The following TENM3 variants were observed in gnomAD, a reference collection of about 807,000 sequenced individuals.
TENM3 encodes teneurin-3.
TENM3 carries 63 observed loss-of-function variants against 255.1 expected under a neutral mutation model. That is an observed-to-expected ratio of 0.25 (90% CI 0.20 to 0.30). TENM3 has a LOEUF of 0.30. Ranked by LOEUF, TENM3 falls within the 10% of genes least tolerant of loss-of-function variation. The pLI is 1.00. For synonymous variants in TENM3, 1,306 were observed against 1,322.3 expected (o/e 0.99, Z 0.27); for missense variants, 2,929 against 3,461.1 (o/e 0.85, Z 3.86).
chr4:182,791,076 C>G (rs1253749673), intron 25 of TENM3, among the ~76,000 whole-genome samples: 3 of 152,318 alleles, frequency 2.0e-5, no homozygotes, highest in East Asian at 3.9e-4. Context: ...TTACAGACCA[C>G]CATCAAATAT....
At chr4:182,426,171 A>G (rs1561434455) in intron 3 of TENM3, among the ~76,000 whole-genome samples, 1 of 152,178 alleles carries the variant, frequency 6.6e-6, no homozygotes, top group Non-Finnish European at 1.5e-5. Context: ...CATGTGAACC[A>G]TAAGTTCAGC....
chr4:182,215,842 AC>A (rs1200867338), intron 1 of TENM3, among the ~76,000 whole-genome samples: 2 of 152,138 alleles, frequency 1.3e-5, no homozygotes, highest in African/African-American at 4.8e-5. Context: ...ATGTCTCGAT[AC>A]CTTTCTAGGG....
At chr4:181,878,227 T>G in the TENM3 span, among the ~76,000 whole-genome samples, 4 of 151,990 alleles carry the variant, frequency 2.6e-5, no homozygotes, top group African/African-American at 4.8e-5. Context: ...AGGCTGTGTA[T>G]CATTATATTC....
the TENM3 span, among the ~76,000 whole-genome samples, chr4:181,987,956 G>T: frequency 3.1e-3 from 477 of 152,046 alleles, no homozygotes; most frequent in African/African-American, 0.011. Context: ...AGATGAAGGG[G>T]CAAGAGAGAA....
intron 4 of TENM3, among the ~76,000 whole-genome samples, chr4:182,602,830 T>C (rs548042418): frequency 6.6e-6 from 1 of 152,198 alleles, no homozygotes; most frequent in South Asian, 2.1e-4. Context: ...TTGGAAAAAA[T>C]TTATTAGGAA....
chr4:181,988,047 A>C, the TENM3 span, among the ~76,000 whole-genome samples: 1 of 152,178 alleles, frequency 6.6e-6, no homozygotes, highest in African/African-American at 2.4e-5. Context: ...GAGAGTTGAA[A>C]GAAATTAAAA....
the TENM3 span, among the ~76,000 whole-genome samples, chr4:181,872,809 G>C: frequency 6.6e-6 from 1 of 152,024 alleles, no homozygotes; most frequent in Admixed American, 6.5e-5. Context: ...CTTACTTCTG[G>C]AGCCTTTGTC....
intron 3 of TENM3, among the ~76,000 whole-genome samples, chr4:182,524,386 G>C (rs1738914243): frequency 8.9e-6 from 1 of 112,596 alleles, no homozygotes; most frequent in Non-Finnish European, 1.6e-5. Context: ...TTTTGAGTCA[G>C]AGTCTCTCTC....
At chr4:181,673,876 G>A in the TENM3 span, among the ~76,000 whole-genome samples, 882 of 151,972 alleles carry the variant, frequency 5.8e-3, 9 homozygotes, top group African/African-American at 0.02. Flanking sequence ...GTGTGTGTGT[G>A]TGTGTGTGTG....
chr4:182,455,953 T>A (rs1221935968), intron 3 of TENM3, among the ~76,000 whole-genome samples: 2 of 152,208 alleles, frequency 1.3e-5, no homozygotes, highest in Non-Finnish European at 2.9e-5. Flanking sequence ...TATCCTGTAG[T>A]CATTTGTTTA....
chr4:182,253,323 G>C (rs886357228), intron 1 of TENM3, among the ~76,000 whole-genome samples: 1 of 152,068 alleles, frequency 6.6e-6, no homozygotes, highest in African/African-American at 2.4e-5. Context: ...AATACAAAGA[G>C]TTATCCGGGT....
the TENM3 span, among the ~76,000 whole-genome samples, chr4:181,759,724 ATGTGTGTGTGTGTGTGTGTGTGTG>A: frequency 1.4e-5 from 2 of 146,514 alleles, no homozygotes; most frequent in African/African-American, 5.0e-5. Context: ...CAATCAACAG[ATGTGTGTGTGTGTGTGTGTGTGTG>A]TGTGTGTGTG....
chr4:181,710,111 A>G, the TENM3 span, among the ~76,000 whole-genome samples: 4 of 152,134 alleles, frequency 2.6e-5, no homozygotes, highest in Admixed American at 2.0e-4. Flanking sequence ...ACCCATCAAC[A>G]CATACATAGT....
the TENM3 span, among the ~76,000 whole-genome samples, chr4:182,105,671 C>G: frequency 6.6e-6 from 1 of 152,202 alleles, no homozygotes; most frequent in Non-Finnish European, 1.5e-5. Context: ...ATGTGACAGT[C>G]TACATAGAGC....
the TENM3 span, among the ~76,000 whole-genome samples, chr4:181,521,122 G>C: frequency 6.6e-6 from 1 of 152,112 alleles, no homozygotes; most frequent in Non-Finnish European, 1.5e-5. Flanking sequence ...AAATCAAAAG[G>C]CTTAATTTGA....
At chr4:181,691,017 G>A in the TENM3 span, among the ~76,000 whole-genome samples, 6 of 152,120 alleles carry the variant, frequency 3.9e-5, no homozygotes, top group East Asian at 1.9e-4. Flanking sequence ...ATCTGCATGC[G>A]TGCTATTTTT....
intron 4 of TENM3, among the ~76,000 whole-genome samples, 161 bp downstream of exon 4, chr4:182,601,322 G>A (rs1747832235): frequency 6.6e-6 from 1 of 151,826 alleles, no homozygotes; most frequent in African/African-American, 2.4e-5. Flanking sequence ...GATTTTTTTA[G>A]TTGCTGGGTC....
the TENM3 span, among the ~76,000 whole-genome samples, chr4:181,508,878 G>C: frequency 7.1e-6 from 1 of 139,924 alleles, no homozygotes; most frequent in Non-Finnish European, 1.5e-5. Flanking sequence ...TGACGATGGG[G>C]ATTATTTCCA....
chr4:182,103,118 T>C, the TENM3 span, among the ~76,000 whole-genome samples: 89 of 152,356 alleles, frequency 5.8e-4, no homozygotes, highest in African/African-American at 2.1e-3. Flanking sequence ...TCATGGGAAT[T>C]ACACTAAACT....
Sources: gnomAD v4.1 joint callset for allele counts (sites outside exome capture counted in the v4.1 genomes callset) on GRCh38, gnomAD v4.1.1 for gene constraint, MANE v1.5 for transcripts, NCBI Gene and HGNC (gene_info 2026-07-23, HGNC 2026-07-21) for gene names.